The following PER2 variants were observed in gnomAD, a reference collection of about 807,000 sequenced individuals.
PER2 encodes the protein period circadian regulator 2.
Under a neutral mutation model 121.0 loss-of-function variants are expected in PER2, and 66 were observed. The ratio of observed to expected loss-of-function variants is 0.55; its 90% confidence interval spans 0.45 to 0.67. The LOEUF is 0.67. Among genes scored for constraint, PER2 ranks in the 30% least tolerant of loss-of-function variants. The pLI is 0.00. For missense variants in PER2, 1,521 were observed against 1,635.0 expected (o/e 0.93, Z 1.20); for synonymous variants, 684 against 659.9 (o/e 1.04, Z -0.56).
intron 20 of PER2, 29 bp downstream of exon 20, chr2:238,251,570 T>G (rs1436175434): frequency 6.2e-7 from 1 of 1,609,574 alleles, no homozygotes. Context: ...ACCTCCCAAG[T>G]GCCTAACACC....
At chr2:238,290,993 G>A (rs535728887), upstream of PER2, among the ~76,000 whole-genome samples, 124 of 152,336 alleles carry the variant, frequency 8.1e-4, 1 homozygote, top group African/African-American at 2.9e-3. Context: ...GCAAATTGGG[G>A]CAGTCAGATT....
intron 14 of PER2, among the ~76,000 whole-genome samples, chr2:238,259,602 C>A (rs1274357377): frequency 3.3e-5 from 5 of 152,248 alleles, no homozygotes; most frequent in Non-Finnish European, 7.3e-5. Context: ...CACAGCCATA[C>A]AGCTACTCTG....
At chr2:238,282,079 C>A (rs984101312) in intron 1 of PER2, among the ~76,000 whole-genome samples, 2 of 152,186 alleles carry the variant, frequency 1.3e-5, no homozygotes, top group African/African-American at 4.8e-5. Context: ...ACGCCCGGCC[C>A]GTGCTCAGAC....
upstream of PER2, among the ~76,000 whole-genome samples, chr2:238,294,420 G>A (rs1450052313): frequency 1.3e-5 from 2 of 152,206 alleles, no homozygotes; most frequent in Non-Finnish European, 2.9e-5. Flanking sequence ...GATCCTGGGT[G>A]ACACTAACAA....
At position 238,261,738 on chromosome 2, in the gene PER2, G is replaced by A; in HGVS notation, c.1407C>T (p.Leu469=). 6.4e-7 allele frequency: 1 copy of A among 1,553,504 alleles called. No individual in the cohort carries two copies. The highest frequency in any genetic ancestry group is 8.7e-7 in the Non-Finnish European group (1 of 1,145,978). Residue 469 remains leucine (L), a synonymous_variant, in exon 12 of 23, where the codon CTC becomes CTT. Transcript: ENST00000254657. ...CAGGCACCACACCCACCTGCAGCAG[G>A]AGCCGGTGGATCTGCTCTGTGAGCT... The part of the protein sequence containing the change: ...IQELTEQIHR[L]LLQPVPHSGS...
intron 22 of PER2, among the ~76,000 whole-genome samples, chr2:238,247,771 G>C (rs1695487505): frequency 6.6e-6 from 1 of 152,258 alleles, no homozygotes; most frequent in Non-Finnish European, 1.5e-5. Context: ...GAGGAAAAAT[G>C]GGAGATGAGG....
chr2:238,294,185 G>A (rs954282265), upstream of PER2, among the ~76,000 whole-genome samples: 7 of 152,192 alleles, frequency 4.6e-5, no homozygotes, highest in South Asian at 2.1e-4. Context: ...TCTGGGCCAC[G>A]GACCTTACCC....
chr2:238,284,978 G>A (rs1052993111), intron 1 of PER2, among the ~76,000 whole-genome samples: 1 of 146,030 alleles, frequency 6.8e-6, no homozygotes, highest in Non-Finnish European at 1.5e-5. Context: ...TGTTCCTGGG[G>A]AGCTCCTAGG....
At position 238,252,282 on chromosome 2, in the gene PER2, C is replaced by T. The variant is rs887151643; in HGVS notation, c.3112-521G>A. 6.6e-6 allele frequency among the ~76,000 whole-genome samples: 1 copy of T among 152,254 alleles called. No homozygotes were observed. Among genetic ancestry groups the T allele is most frequent in the Admixed American group, 6.5e-5 (1 of 15,290 alleles). The stretch of plus-strand genomic sequence containing the variant: ...TCCACAGATCTACATGCTTGCACTT[C>T]CTCACCCGGGAGCCCTAGGTCCTCT... On this transcript the variant is annotated intron_variant, in intron 19 of 22. Coordinates refer to ENST00000254657, the MANE Select transcript of PER2 (RefSeq NM_022817.3). This position sits in a 1 kb window ranked among gnomAD's most constrained non-coding sequence, Gnocchi z 4.2.
At chr2:238,290,203 C>T (rs978676963), upstream of PER2, 5 of 152,200 alleles carry the variant, frequency 3.3e-5, no homozygotes, top group Admixed American at 6.5e-5. Flanking sequence ...ACAGAAGCCC[C>T]GGGAGGCCTG....
chr2:238,244,972 G>A lies in PER2; in HGVS notation c.*1403C>T, dbSNP rs1251034163. On this transcript the variant is annotated 3_prime_UTR_variant, in exon 23 of 23. Transcript: ENST00000254657. The stretch of plus-strand genomic sequence containing the variant: ...TGAGGCAGGAGAATCGCTTGAACCT[G>A]GGAGGCAGAGGTTGCAGTGAGCCAA... 2 of 149,376 alleles carry A rather than the reference G, an allele frequency of 1.3e-5. No homozygotes were observed. Among genetic ancestry groups the A allele is most frequent in the African/African-American group, 4.9e-5 (2 of 40,458 alleles). 9.3% of individuals were successfully genotyped at this position (149,376 alleles called of 1,614,324 possible). A position where few individuals can be genotyped will look rare whatever the true frequency, so the allele number is the denominator to read the frequency against.
chr2:238,256,737 G>A (rs552317178), intron 17 of PER2, among the ~76,000 whole-genome samples, 185 bp downstream of exon 17: 2 of 152,366 alleles, frequency 1.3e-5, no homozygotes, highest in Admixed American at 6.5e-5. Flanking sequence ...GACCTGGACA[G>A]GTTGCTGCCT....
intron 22 of PER2, among the ~76,000 whole-genome samples, chr2:238,248,195 G>A (rs759575011): frequency 6.6e-6 from 1 of 152,208 alleles, no homozygotes; most frequent in Non-Finnish European, 1.5e-5. Context: ...GAGACCAAGG[G>A]CAGCAAGAGC....
At position 238,261,728 on chromosome 2, in the gene PER2, C is replaced by T; in HGVS notation, c.1416+1G>A. On this transcript the variant is annotated splice_donor_variant, in intron 12 of 22. Transcript: ENST00000254657. LOFTEE classifies it high-confidence loss of function. ...GGAGGACATGCAGGCACCACACCCA[C>T]CTGCAGCAGGAGCCGGTGGATCTGC... 4 of 1,550,090 alleles carry T rather than the reference C, an allele frequency of 2.6e-6. No individual in the cohort carries two copies. The highest frequency in any genetic ancestry group is 3.5e-6 in the Non-Finnish European group (4 of 1,144,310).
In PER2 at chr2:238,245,207, G is replaced by A. The variant is rs1695415262; in HGVS notation, c.*1168C>T. ...ATCTTTGGAATATACAATGCAACAT[G>A]AGGTTTTGTAAAAAGCCGGGCAGAC... On this transcript the variant is annotated 3_prime_UTR_variant, in exon 23 of 23. Transcript: ENST00000254657. The A allele has an allele frequency of 4.7e-6, 1 of 213,210 alleles. No homozygotes were observed. The highest frequency in any genetic ancestry group is 9.2e-6 in the Non-Finnish European group (1 of 108,344). The allele number at this position is 213,210 out of a possible 1,614,324, so 13.2% of individuals were successfully genotyped here. A position where few individuals can be genotyped will look rare whatever the true frequency, so the allele number is the denominator to read the frequency against.
chr2:238,294,323 C>T (rs1697009229), upstream of PER2, among the ~76,000 whole-genome samples: 1 of 152,336 alleles, frequency 6.6e-6, no homozygotes, highest in Non-Finnish European at 1.5e-5. Context: ...GCCCAGTTGG[C>T]ACCTCCAACC....
upstream of PER2, among the ~76,000 whole-genome samples, chr2:238,292,691 C>T (rs1349979396): frequency 2.0e-5 from 3 of 150,972 alleles, no homozygotes; most frequent in Admixed American, 2.0e-4. Flanking sequence ...TGTCCATTGC[C>T]ATATATTCTA....
At chr2:238,283,033 T>G (rs552674823) in intron 1 of PER2, among the ~76,000 whole-genome samples, 1 of 152,302 alleles carries the variant, frequency 6.6e-6, no homozygotes, top group African/African-American at 2.4e-5. Flanking sequence ...TGGACTCGGA[T>G]GACGTGCCAC....
chr2:238,260,853 T>A lies in PER2; in HGVS notation c.1517A>T (p.His506Leu). 4 of 1,614,110 alleles carry A rather than the reference T, an allele frequency of 2.5e-6. No homozygotes were observed. The highest frequency in any genetic ancestry group is 3.4e-6 in the Non-Finnish European group (4 of 1,180,020). ...GGCTCTCCTCCGGCGTGAGTCCTCA[T>A]GGCCGTTGCTGTCGCTGGAGGAGGT... Reference protein sequence around the residue: ...SQTSSSDSNGHEDSRRRRAEI... With the variant: ...SQTSSSDSNGLEDSRRRRAEI... Residue 506 changes from histidine (H) to leucine (L), a missense_variant, in exon 13 of 23, where the codon CAT (histidine) becomes CTT (leucine). By Grantham distance (99) the His-to-Leu change is moderately conservative. Transcript: ENST00000254657.
Sources: allele counts gnomAD v4.1 joint callset (sites outside exome capture counted in the v4.1 genomes callset), GRCh38; gene constraint gnomAD v4.1.1; non-coding constraint Gnocchi (gnomAD v3.1); transcripts MANE v1.5; gene names NCBI Gene and HGNC (gene_info 2026-07-23, HGNC 2026-07-21).